The following CAPZB variants were observed in gnomAD, a reference collection of about 807,000 sequenced individuals.
CAPZB encodes the protein capping actin protein of muscle Z-line subunit beta, also known as F-actin-capping protein subunit beta.
In CAPZB, 2 loss-of-function variants were observed where a neutral mutation model predicts 38.1. The ratio of observed to expected loss-of-function variants is 0.05; its 90% CI spans 0.02 to 0.17. The LOEUF is 0.17. Among genes scored for constraint, CAPZB ranks in the 10% least tolerant of loss-of-function variants. The pLI is 1.00. For missense variants in CAPZB, 161 were observed against 334.2 expected (o/e 0.48, Z 4.04); for synonymous variants, 107 against 127.4 (o/e 0.84, Z 1.08).
intron 1 of CAPZB, among the ~76,000 whole-genome samples, chr1:19,423,401 G>A (rs1035391954): frequency 3.3e-5 from 5 of 151,968 alleles, no homozygotes; most frequent in Admixed American, 2.0e-4. Context: ...AAGCAACAAC[G>A]TAAGTGACCC....
At chr1:19,471,728 G>T (rs909165323) in intron 1 of CAPZB, among the ~76,000 whole-genome samples, 5 of 152,052 alleles carry the variant, frequency 3.3e-5, no homozygotes, top group African/African-American at 1.2e-4. Context: ...TTAGCCAGGC[G>T]TGGTGGCGGG....
intron 4 of CAPZB, among the ~76,000 whole-genome samples, chr1:19,375,912 T>C (rs1206746729): frequency 1.3e-5 from 2 of 152,084 alleles, no homozygotes; most frequent in African/African-American, 2.4e-5. Flanking sequence ...TTAATGATAG[T>C]AGGGAAATTC....
chr1:19,432,745 A>T (rs536316864), intron 1 of CAPZB, among the ~76,000 whole-genome samples: 1 of 152,352 alleles, frequency 6.6e-6, no homozygotes, highest in South Asian at 2.1e-4. Context: ...TGAATGACAC[A>T]GAAGGACATA....
intron 1 of CAPZB, among the ~76,000 whole-genome samples, chr1:19,454,109 C>T (rs2094525579): frequency 6.6e-6 from 1 of 152,184 alleles, no homozygotes; most frequent in African/African-American, 2.4e-5. Context: ...TTTCTCCAGG[C>T]TCAGGCCCTC....
intron 2 of CAPZB, among the ~76,000 whole-genome samples, chr1:19,386,855 G>A: frequency 6.6e-6 from 1 of 152,342 alleles, no homozygotes; most frequent in Non-Finnish European, 1.5e-5. Context: ...AGTACCCAAA[G>A]AGATAGACAT....
chr1:19,397,242 T>G (rs2094276519), intron 2 of CAPZB, among the ~76,000 whole-genome samples: 1 of 152,264 alleles, frequency 6.6e-6, no homozygotes, highest in Admixed American at 6.5e-5. Flanking sequence ...GAGGACTTAC[T>G]GAACTATCAA....
At chr1:19,386,137 C>G (rs1031689774) in intron 2 of CAPZB, among the ~76,000 whole-genome samples, 1 of 152,244 alleles carries the variant, frequency 6.6e-6, no homozygotes, top group African/African-American at 2.4e-5. Context: ...AGAGTCAACT[C>G]TATCTGCTGC....
At chr1:19,384,739 T>C (rs2094194692) in intron 3 of CAPZB, among the ~76,000 whole-genome samples, 1 of 152,170 alleles carries the variant, frequency 6.6e-6, no homozygotes, top group Non-Finnish European at 1.5e-5. Context: ...CAGTGACTAC[T>C]GCAATTCATC....
chr1:19,420,560 G>A (rs1463845585), intron 1 of CAPZB, among the ~76,000 whole-genome samples: 1 of 149,830 alleles, frequency 6.7e-6, no homozygotes, highest in South Asian at 2.1e-4. Flanking sequence ...GGGACCACAG[G>A]TGCATGCCAC....
intron 8 of CAPZB, chr1:19,342,930 G>T: frequency 3.1e-6 from 3 of 973,470 alleles, no homozygotes; most frequent in Non-Finnish European, 3.3e-6. Context: ...AGGAACGCAG[G>T]GGGCCACAGC....
At chr1:19,362,259 CAG>C (rs1165414814) in intron 4 of CAPZB, among the ~76,000 whole-genome samples, 1 of 152,092 alleles carries the variant, frequency 6.6e-6, no homozygotes, top group African/African-American at 2.4e-5. Context: ...TTTTTTGAGA[CAG>C]AGTCTCGCTC....
At chr1:19,389,201 T>A (rs980507211) in intron 2 of CAPZB, among the ~76,000 whole-genome samples, 1 of 152,074 alleles carries the variant, frequency 6.6e-6, no homozygotes, top group African/African-American at 2.4e-5. Context: ...CCATCACTGA[T>A]CCCGTCTCAT....
rs1460657444 is a variant in CAPZB at position 19,339,113 on chromosome 1, A to C, written c.*417T>G. 1.9e-5 allele frequency: 3 copies of C among 160,030 alleles called. No individual in the cohort carries two copies. The highest frequency in any genetic ancestry group is 1.9e-4 in the East Asian group (1 of 5,390). The allele number at this position is 160,030 out of a possible 1,614,324, so 9.9% of individuals were successfully genotyped here. A position where few individuals can be genotyped will look rare whatever the true frequency, so the allele number is the denominator to read the frequency against. On this transcript the variant is annotated 3_prime_UTR_variant, in exon 9 of 9. Transcript: ENST00000264202. The stretch of plus-strand genomic sequence containing the variant: ...CAAACACACACGGAATAAGATTTCC[A>C]GTTTTTCTTCTCTCTTTCACACACC...
At chr1:19,401,219 A>G (rs1296039729) in intron 2 of CAPZB, among the ~76,000 whole-genome samples, 1 of 151,994 alleles carries the variant, frequency 6.6e-6, no homozygotes, top group African/African-American at 2.4e-5. Flanking sequence ...GAAAAAAAAA[A>G]AACTTCCCCC....
At chr1:19,422,199 T>C (rs1238549006) in intron 1 of CAPZB, among the ~76,000 whole-genome samples, 5 of 152,172 alleles carry the variant, frequency 3.3e-5, no homozygotes, top group Non-Finnish European at 7.4e-5. Flanking sequence ...CATCTGGCAA[T>C]GTATGGAGAC....
intron 4 of CAPZB, among the ~76,000 whole-genome samples, chr1:19,359,409 C>T (rs766605598): frequency 6.6e-6 from 1 of 152,256 alleles, no homozygotes; most frequent in East Asian, 1.9e-4. Flanking sequence ...CGCAGACCTG[C>T]GGAGCATCCA....
At chr1:19,354,727 A>G (rs2094010910) in intron 6 of CAPZB, among the ~76,000 whole-genome samples, 2 of 152,176 alleles carry the variant, frequency 1.3e-5, no homozygotes, top group Non-Finnish European at 2.9e-5. Flanking sequence ...TGAGGATTAA[A>G]TATTTGTCCA....
At chr1:19,436,081 G>A (rs1289349171) in intron 1 of CAPZB, among the ~76,000 whole-genome samples, 1 of 152,246 alleles carries the variant, frequency 6.6e-6, no homozygotes, top group African/African-American at 2.4e-5. Flanking sequence ...TAGTAACACA[G>A]TAGTCACCCC....
intron 1 of CAPZB, among the ~76,000 whole-genome samples, chr1:19,447,386 ATTTTTTTTTTTTTT>A (rs61113781): frequency 8.7e-6 from 1 of 115,226 alleles, no homozygotes. Context: ...CATCCAGCTA[ATTTTTTTTTTTTTT>A]TTTTTTGGAT....
Sources: gnomAD v4.1 joint callset for allele counts (sites outside exome capture counted in the v4.1 genomes callset) on GRCh38, gnomAD v4.1.1 for gene constraint, MANE v1.5 for transcripts, NCBI Gene and HGNC (gene_info 2026-07-23, HGNC 2026-07-21) for gene names.